The following PPFIBP1 variants were observed in gnomAD, a reference collection of about 807,000 sequenced individuals.
PPFIBP1 encodes liprin-beta-1.
PPFIBP1 carries 112 observed loss-of-function variants against 137.8 expected under a neutral mutation model. The observed-to-expected ratio is 0.81, with a 90% CI of 0.70 to 0.95. The LOEUF is 0.95. Among genes scored for constraint, PPFIBP1 ranks in the 40% least tolerant of loss-of-function variants. The pLI is 0.00. For missense variants in PPFIBP1, 1,083 were observed against 1,196.6 expected (o/e 0.91, Z 1.40); for synonymous variants, 378 against 417.3 (o/e 0.91, Z 1.15).
At position 27,601,405 on chromosome 12, in the gene PPFIBP1, C is replaced by A. The variant is rs980299618; in HGVS notation, c.-36+23166C>A. Among the ~76,000 whole-genome samples, 8 of 152,130 alleles carry A rather than the reference C, an allele frequency of 5.3e-5. No individual in the cohort carries two copies. The South Asian group carries it at 1.5e-3, about 28-fold the overall frequency. ...TTGCATGTTCATTCCCAAACAGATACAACCTTATCAAGGCTCATGCACTTA... is the reference window on the plus strand; with the variant it reads ...TTGCATGTTCATTCCCAAACAGATAAAACCTTATCAAGGCTCATGCACTTA... On this transcript the variant is annotated intron_variant, in intron 2 of 29. Transcript: ENST00000228425.
At chr12:27,598,538 CTGTGTGTGTGTGTGTG>C (rs71039825) in intron 2 of PPFIBP1, among the ~76,000 whole-genome samples, 50,401 of 150,684 alleles carry the variant, frequency 0.33, 8,490 homozygotes, top group South Asian at 0.45. Flanking sequence ...TCTCTATAAT[CTGTGTGTGTGTGTGTG>C]TGTGTGTGTG....
chr12:27,541,160 ATCACAGGGTT>A (rs1945610975), intron 1 of PPFIBP1, among the ~76,000 whole-genome samples: 1 of 152,130 alleles, frequency 6.6e-6, no homozygotes, highest in Admixed American at 6.5e-5. Flanking sequence ...AAAGTAGGGT[ATCACAGGGTT>A]TCCTGATGAG....
intron 16 of PPFIBP1, 126 bp from the exon 17 acceptor site, chr12:27,674,066 T>A: frequency 1.1e-6 from 1 of 892,416 alleles, no homozygotes; most frequent in South Asian, 1.7e-5. Flanking sequence ...AAATAAACAA[T>A]ACTAAGATTT....
intron 26 of PPFIBP1, 89 bp from the exon 27 acceptor site, chr12:27,688,926 A>G (rs997034825): frequency 6.0e-6 from 8 of 1,331,696 alleles, no homozygotes; most frequent in African/African-American, 3.0e-5. Flanking sequence ...AGATAACCTA[A>G]GAGAAAGCTT....
At chr12:27,679,889 G>T in intron 20 of PPFIBP1, 44 bp from the exon 21 acceptor site, 1 of 1,607,894 alleles carries the variant, frequency 6.2e-7, no homozygotes, top group Admixed American at 1.7e-5. Flanking sequence ...CAAGTCTAAG[G>T]CCTCCTCAGG....
intron 18 of PPFIBP1, 113 bp from the exon 19 acceptor site, chr12:27,676,951 C>T: frequency 7.2e-7 from 1 of 1,390,816 alleles, no homozygotes; most frequent in Non-Finnish European, 1.0e-6. Context: ...GCATGCCTCT[C>T]CTCCACGGTG....
intron 2 of PPFIBP1, among the ~76,000 whole-genome samples, chr12:27,619,988 G>A (rs7960115): frequency 0.12 from 17,613 of 150,582 alleles, 1,078 homozygotes; most frequent in African/African-American, 0.13. Flanking sequence ...ATATATACAC[G>A]CACATATTTA....
At chr12:27,655,631 A>C (rs2059151168) in intron 8 of PPFIBP1, among the ~76,000 whole-genome samples, 2 of 152,170 alleles carry the variant, frequency 1.3e-5, no homozygotes, top group Non-Finnish European at 2.9e-5. Context: ...CTGTGAATAG[A>C]AATGACTGCT....
At chr12:27,535,733 A>G (rs187941346) in intron 1 of PPFIBP1, among the ~76,000 whole-genome samples, 154 of 152,306 alleles carry the variant, frequency 1.0e-3, no homozygotes, top group African/African-American at 3.7e-3. Context: ...TAGAGCATTG[A>G]ACTCATATGC....
intron 1 of PPFIBP1, among the ~76,000 whole-genome samples, chr12:27,532,799 A>G (rs1944556789): frequency 6.6e-6 from 1 of 152,182 alleles, no homozygotes; most frequent in Non-Finnish European, 1.5e-5. Context: ...GACGTAAGCT[A>G]TATTGGGGCA....
chr12:27,560,535 C>G (rs188885379), intron 1 of PPFIBP1, among the ~76,000 whole-genome samples: 4 of 152,110 alleles, frequency 2.6e-5, no homozygotes, highest in Admixed American at 6.5e-5. Flanking sequence ...TTTGGCTGTT[C>G]CTCAAAGCAG....
intron 7 of PPFIBP1, among the ~76,000 whole-genome samples, chr12:27,652,156 C>A (rs2058913895): frequency 6.6e-6 from 1 of 152,194 alleles, no homozygotes; most frequent in Admixed American, 6.5e-5. Context: ...CTGGGTGTTT[C>A]ATGAATCCAT....
At chr12:27,581,244 G>A (rs940773489) in intron 2 of PPFIBP1, among the ~76,000 whole-genome samples, 4 of 152,120 alleles carry the variant, frequency 2.6e-5, no homozygotes, top group Admixed American at 6.5e-5. Flanking sequence ...ATGAAATTTC[G>A]TTTGCCTAAG....
rs547912183 is a variant in PPFIBP1, at chr12:27,679,626, A to G, written c.1753A>G (p.Lys585Glu). 1 of 1,613,886 alleles carries G rather than the reference A, an allele frequency of 6.2e-7. No homozygotes were observed. The highest frequency in any genetic ancestry group is 2.2e-5 in the East Asian group (1 of 44,876). Residue 585 changes from lysine to glutamate, a missense_variant, in exon 20 of 30, where the codon AAA becomes GAA. Physicochemically the swap from Lys to Glu is moderately conservative, Grantham distance 56. Transcript: ENST00000228425. Reference sequence around the variant, plus strand: ...CAAAAAGAAATCCAGAGGTATCATGAAACTCTTTGGAAAGTAAGTAAAGCA... The same window carrying G: ...CAAAAAGAAATCCAGAGGTATCATGGAACTCTTTGGAAAGTAAGTAAAGCA... ...DSKKKSRGIM[K>E]LFGKLRRSQS...
chr12:27,528,405 G>A (rs1357059509), intron 1 of PPFIBP1, among the ~76,000 whole-genome samples: 1 of 152,138 alleles, frequency 6.6e-6, no homozygotes, highest in East Asian at 1.9e-4. Flanking sequence ...AGTGTGTTAT[G>A]TCAGTTATTT....
chr12:27,583,925 G>T (rs577039230), intron 2 of PPFIBP1, among the ~76,000 whole-genome samples: 2,624 of 152,246 alleles, frequency 0.017, 204 homozygotes, highest in Admixed American at 0.14. Flanking sequence ...TATATGGCTG[G>T]TTTTTTGCAC....
intron 2 of PPFIBP1, among the ~76,000 whole-genome samples, chr12:27,613,828 C>T (rs1381563063): frequency 6.6e-6 from 1 of 152,126 alleles, no homozygotes; most frequent in African/African-American, 2.4e-5. Context: ...GAGGGACTTT[C>T]TTGTGTTTAG....
intron 19 of PPFIBP1, 175 bp downstream of exon 19, chr12:27,677,271 C>T: frequency 1.4e-6 from 1 of 713,750 alleles, no homozygotes; most frequent in Non-Finnish European, 2.3e-6. Flanking sequence ...AGAGGCTTTG[C>T]TTCCAAGCCT....
chr12:27,584,489 T>A (rs1438916534), intron 2 of PPFIBP1: 3 of 152,134 alleles, frequency 2.0e-5, no homozygotes, highest in Non-Finnish European at 4.4e-5. Context: ...TGTGAATGAG[T>A]GTGAAGGTAC....
Sources: gnomAD v4.1 joint callset for allele counts (sites outside exome capture counted in the v4.1 genomes callset) on GRCh38, gnomAD v4.1.1 for gene constraint, MANE v1.5 for transcripts, NCBI Gene and HGNC (gene_info 2026-07-23, HGNC 2026-07-21) for gene names.